CALU: variants seen among roughly 807,000 people sequenced by gnomAD.
CALU encodes the protein IEF SSP 9302.
Under a neutral mutation model 37.5 loss-of-function variants are expected in CALU, and 13 were observed. That is an observed-to-expected ratio of 0.35 (90% CI 0.23 to 0.55). The LOEUF (loss-of-function observed/expected upper bound fraction) is 0.55. Ranked by LOEUF, CALU falls within the 20% of genes least tolerant of loss-of-function variation. CALU has a pLI of 0.89. For synonymous variants in CALU, 114 were observed against 133.8 expected, an observed-to-expected ratio of 0.85 and a Z score of 1.02; for missense variants, 282 against 391.7, an observed-to-expected ratio of 0.72 and a Z score of 2.36.
At chr7:128,743,254 G>T (rs147497810) in intron 1 of CALU, among the ~76,000 whole-genome samples, 5 of 152,056 alleles carry the variant, frequency 3.3e-5, no homozygotes, top group African/African-American at 1.2e-4. Context: ...ATGGGAGGTG[G>T]GGAAATTCAG....
intron 1 of CALU, among the ~76,000 whole-genome samples, chr7:128,741,746 A>G (rs1800249941): frequency 6.6e-6 from 1 of 152,194 alleles, no homozygotes; most frequent in African/African-American, 2.4e-5. Context: ...ACAACTAGAA[A>G]CCAAGGCTCC....
At chr7:128,768,229 A>C (rs1367232700) in intron 6 of CALU, among the ~76,000 whole-genome samples, 1 of 152,070 alleles carries the variant, frequency 6.6e-6, no homozygotes, top group Non-Finnish European at 1.5e-5. Context: ...AATCGGTCTA[A>C]AGATGGAGAT....
At chr7:128,766,930 A>T (rs933314001) in intron 5 of CALU, among the ~76,000 whole-genome samples, 2 of 152,180 alleles carry the variant, frequency 1.3e-5, no homozygotes, top group Non-Finnish European at 2.9e-5. Context: ...ATGAAGATCA[A>T]TTTTTGGAAA....
chr7:128,741,729 C>T (rs1800249224), intron 1 of CALU, among the ~76,000 whole-genome samples: 1 of 152,180 alleles, frequency 6.6e-6, no homozygotes, highest in Non-Finnish European at 1.5e-5. Flanking sequence ...ACATGCACAG[C>T]AAAATTACAA....
At chr7:128,766,741 G>A (rs1435935454) in intron 5 of CALU, among the ~76,000 whole-genome samples, 1 of 152,074 alleles carries the variant, frequency 6.6e-6, no homozygotes, top group East Asian at 1.9e-4. Context: ...ACAGGTGTGA[G>A]CCACCACGCC....
intron 1 of CALU, among the ~76,000 whole-genome samples, chr7:128,744,775 G>C (rs1189737246): frequency 6.6e-6 from 1 of 152,156 alleles, no homozygotes; most frequent in Non-Finnish European, 1.5e-5. Flanking sequence ...GTGGAGACCT[G>C]AGAAGCACTG....
At chr7:128,743,134 G>C (rs1255045431) in intron 1 of CALU, among the ~76,000 whole-genome samples, 1 of 151,502 alleles carries the variant, frequency 6.6e-6, no homozygotes. Context: ...AGTGGCTACT[G>C]TACTGGGCAG....
chr7:128,750,490 A>T (rs559170500), intron 2 of CALU, among the ~76,000 whole-genome samples: 1 of 152,216 alleles, frequency 6.6e-6, no homozygotes, highest in Non-Finnish European at 1.5e-5. Context: ...ATCAGTGGAT[A>T]TTAAAAGTTT....
At chr7:128,747,075 T>C (rs531162038) in intron 1 of CALU, among the ~76,000 whole-genome samples, 1 of 152,276 alleles carries the variant, frequency 6.6e-6, no homozygotes, top group South Asian at 2.1e-4. Context: ...GCCCATTCTT[T>C]TTAACCTTTG....
chr7:128,747,103 G>A (rs1800476720), intron 1 of CALU, among the ~76,000 whole-genome samples: 1 of 151,124 alleles, frequency 6.6e-6, no homozygotes, highest in Non-Finnish European at 1.5e-5. Flanking sequence ...TTCCATAATC[G>A]AGATTTAATA....
chr7:128,753,518 A>G (rs1800755276), intron 2 of CALU, among the ~76,000 whole-genome samples: 1 of 152,248 alleles, frequency 6.6e-6, no homozygotes, highest in Non-Finnish European at 1.5e-5. Flanking sequence ...TATAATCTAC[A>G]TACTAACCCT....
rs1458233349 is a variant in CALU at position 128,748,620 on chromosome 7, T to G, written c.37T>G (p.Cys13Gly). Residue 13 changes from cysteine (C) to glycine (G), a missense_variant, in exon 2 of 7, where the codon TGC (cysteine) becomes GGC (glycine). Transcript: ENST00000249364. ...ACAGTTTCTTATGTGCCTGTCCCTG[T>G]GCACAGCCTTTGCCTTGAGCAAACC... ...LRQFLMCLSL[C>G]TAFALSKPTE... 1 of 1,614,096 alleles carries G rather than the reference T, an allele frequency of 6.2e-7. No individual in the cohort carries two copies. Among genetic ancestry groups the G allele is most frequent in the East Asian group, 2.2e-5 (1 of 44,888 alleles).
At chr7:128,744,171 A>C (rs1004358739) in intron 1 of CALU, among the ~76,000 whole-genome samples, 1 of 152,260 alleles carries the variant, frequency 6.6e-6, no homozygotes, top group Admixed American at 6.5e-5. Context: ...ACACCACTGC[A>C]CTCCATCCTG....
At chr7:128,765,282 A>G (rs1397556835) in intron 5 of CALU, among the ~76,000 whole-genome samples, 1 of 151,976 alleles carries the variant, frequency 6.6e-6, no homozygotes, top group Non-Finnish European at 1.5e-5. Context: ...GTGCAGTGGC[A>G]TGATCATGGT....
intron 5 of CALU, among the ~76,000 whole-genome samples, chr7:128,761,153 A>T (rs77893270): frequency 0.022 from 3,285 of 152,026 alleles, 106 homozygotes; most frequent in African/African-American, 0.068. Flanking sequence ...AAATTTTTTT[A>T]AAAAAATTGT....
intron 1 of CALU, among the ~76,000 whole-genome samples, chr7:128,746,237 A>G (rs1180928637): frequency 6.6e-6 from 1 of 151,654 alleles, no homozygotes; most frequent in Non-Finnish European, 1.5e-5. Flanking sequence ...AGCTCACTGC[A>G]GCCTCTGCCT....
chr7:128,743,167 T>C (rs966078672), intron 1 of CALU, among the ~76,000 whole-genome samples: 20 of 152,172 alleles, frequency 1.3e-4, no homozygotes, highest in Admixed American at 1.2e-3. Context: ...TTTTTTTTTT[T>C]TCCCAAGAAA....
chr7:128,764,719 T>C (rs1562881255), intron 5 of CALU, among the ~76,000 whole-genome samples: 1 of 152,086 alleles, frequency 6.6e-6, no homozygotes, highest in Non-Finnish European at 1.5e-5. Context: ...AGGAAATGTT[T>C]CTTTGGTACT....
At chr7:128,766,306 C>A (rs1801326493) in intron 5 of CALU, among the ~76,000 whole-genome samples, 1 of 151,500 alleles carries the variant, frequency 6.6e-6, no homozygotes. Flanking sequence ...TCAATTAGGC[C>A]ATTTTTCAAG....
Sources: allele counts gnomAD v4.1 joint callset (sites outside exome capture counted in the v4.1 genomes callset), GRCh38; gene constraint gnomAD v4.1.1; transcripts MANE v1.5; gene names NCBI Gene and HGNC (gene_info 2026-07-23, HGNC 2026-07-21).